The following DOCK4 variants were observed in gnomAD, a reference collection of about 807,000 sequenced individuals.
The protein encoded by DOCK4 is dedicator of cytokinesis 4.
Under a neutral mutation model 268.1 loss-of-function variants are expected in DOCK4, and 97 were observed. The ratio of observed to expected loss-of-function variants is 0.36; its 90% confidence interval spans 0.31 to 0.43. DOCK4 has a LOEUF of 0.43. DOCK4 is among the 20% of genes least tolerant of loss of function. The pLI, the probability that DOCK4 is intolerant of heterozygous loss-of-function variation, is 1.00. For synonymous variants in DOCK4, 954 were observed against 887.2 expected, an observed-to-expected ratio of 1.08 and a Z score of -1.34; for missense variants, 2,145 against 2,455.7, an observed-to-expected ratio of 0.87 and a Z score of 2.67.
intron 13 of DOCK4, among the ~76,000 whole-genome samples, chr7:111,914,499 T>A (rs1367740107): frequency 2.6e-5 from 4 of 152,162 alleles, no homozygotes; most frequent in African/African-American, 9.7e-5. Context: ...TCCATTCCCA[T>A]CCCCAGTACT....
chr7:111,789,444 T>C (rs979074570), intron 31 of DOCK4, among the ~76,000 whole-genome samples: 1 of 152,222 alleles, frequency 6.6e-6, no homozygotes, highest in African/African-American at 2.4e-5. Context: ...AACTTCTCTA[T>C]GGCCAGAGAG....
chr7:112,065,232 C>T (rs546144691), intron 1 of DOCK4, among the ~76,000 whole-genome samples: 2 of 152,130 alleles, frequency 1.3e-5, no homozygotes, highest in East Asian at 3.9e-4. Flanking sequence ...TACCTCAATC[C>T]CTGACACAAG....
intron 14 of DOCK4, among the ~76,000 whole-genome samples, chr7:111,900,789 T>C (rs905652317): frequency 6.6e-5 from 10 of 152,196 alleles, no homozygotes; most frequent in African/African-American, 2.2e-4. Context: ...GACGATTGCA[T>C]GGCCCACTTG....
At chr7:111,998,851 C>T (rs1013406015) in intron 3 of DOCK4, among the ~76,000 whole-genome samples, 10 of 151,090 alleles carry the variant, frequency 6.6e-5, no homozygotes, top group African/African-American at 2.4e-4. Context: ...ATATGTATTG[C>T]ATAGTTTTGA....
At position 111,755,535 on chromosome 7, in the gene DOCK4, C is replaced by G; in HGVS notation, c.4396G>C (p.Glu1466Gln). 6.2e-7 allele frequency: 1 copy of G among 1,614,002 alleles called. No homozygotes were observed. The highest frequency in any genetic ancestry group is 8.5e-7 in the Non-Finnish European group (1 of 1,179,896). The change falls in exon 42 of 53, where the codon GAA becomes CAA. Residue 1466 changes from glutamate to glutamine, a missense_variant. Physicochemically the swap from Glu to Gln is conservative, Grantham distance 29. This residue lies in a region of DOCK4 where 1,598 missense variants were observed against 1,986.7 expected (regional missense o/e 0.80). Transcript: ENST00000428084. Reference sequence around the variant, plus strand: ...CTTACCACTTCACGCTTTTCCACTTCAAACCAGCGAGAGATGCCAGGCAAA... The same window carrying G: ...CTTACCACTTCACGCTTTTCCACTTGAAACCAGCGAGAGATGCCAGGCAAA... Reference protein sequence around the residue: ...QSLPGISRWFEVEKREVVEMS... With the variant: ...QSLPGISRWFQVEKREVVEMS...
At position 112,078,574 on chromosome 7, in the gene DOCK4, G is replaced by C. The variant is rs73715412; in HGVS notation, c.38-74443C>G. On this transcript the variant is annotated intron_variant, in intron 1 of 52. Transcript: ENST00000428084. ...TCAAAGGAAGGTGATTTAAGAGTTT[G>C]TCGAGTTTAAGGGAGAGAAATGTTG... is the stretch of plus-strand genomic sequence containing the variant. 3.9e-3 allele frequency among the ~76,000 whole-genome samples: 589 copies of C among 152,276 alleles called. 3 individuals carry two copies. Among genetic ancestry groups the C allele is most frequent in the African/African-American group, 0.013 (555 of 41,554 alleles).
At chr7:112,015,876 A>T (rs1240594664) in intron 1 of DOCK4, among the ~76,000 whole-genome samples, 1 of 152,226 alleles carries the variant, frequency 6.6e-6, no homozygotes. Flanking sequence ...AAGGACGAAG[A>T]ACATGAGTGT....
intron 1 of DOCK4, among the ~76,000 whole-genome samples, chr7:112,169,145 T>C (rs1251409243): frequency 2.0e-5 from 3 of 152,130 alleles, no homozygotes. Context: ...CCATCCTTCC[T>C]TTCACTCTCT....
chr7:112,149,769 T>C (rs867881040), intron 1 of DOCK4, among the ~76,000 whole-genome samples: 4 of 152,200 alleles, frequency 2.6e-5, no homozygotes, highest in Admixed American at 6.5e-5. Context: ...GAAGCAGCAA[T>C]GAGCTTCCAG....
chr7:112,125,946 C>T (rs1392731984), intron 1 of DOCK4, among the ~76,000 whole-genome samples: 1 of 152,026 alleles, frequency 6.6e-6, no homozygotes, highest in African/African-American at 2.4e-5. Flanking sequence ...GTGGCTGGGA[C>T]TATAGGCATG....
intron 1 of DOCK4, among the ~76,000 whole-genome samples, chr7:112,095,068 T>A (rs1431523819): frequency 5.9e-5 from 9 of 152,152 alleles, no homozygotes; most frequent in African/African-American, 2.2e-4. Context: ...ACAGGACTTT[T>A]ATTGTGAACT....
rs764185249 is a variant in DOCK4 at position 111,739,464 on chromosome 7, G to A, written c.5054C>T (p.Thr1685Ile). ...EVFNMQPSPS[T>I]SSLSSTHSAS... Reference sequence around the variant, plus strand: ...CGAGTGAGTAGAACTCAAGCTTGAGGTAGATGGACTTGGCTGGAAACACAC... The same window carrying A: ...CGAGTGAGTAGAACTCAAGCTTGAGATAGATGGACTTGGCTGGAAACACAC... Residue 1685 changes from threonine (T) to isoleucine (I), a missense_variant, in exon 48 of 53, where the codon ACC becomes ATC. Thr to Ile is a moderately conservative substitution (Grantham distance 89). This residue lies in a region of DOCK4 where 547 missense variants were observed against 469.0 expected (regional missense o/e 1.17). Transcript: ENST00000428084. The A allele has an allele frequency of 6.4e-7, 1 of 1,568,456 alleles. No homozygotes were observed.
chr7:111,728,519 T>TCGGCACGGGCAC lies in DOCK4; in HGVS notation c.5671_5682dup (p.Val1891_Pro1894dup), dbSNP rs749332536. 3.0e-5 allele frequency: 49 copies of TCGGCACGGGCAC among 1,613,662 alleles called. No individual in the cohort carries two copies. The African/African-American group carries it at 3.9e-4, about 13-fold the overall frequency. ...CGCACTGGCTCCTCCCCGCCGTAGC[T>TCGGCACGGGCAC]CGGCACGGGCACCGGCACTGGCACC... On this transcript the variant is annotated inframe_insertion, in exon 53 of 53. Transcript: ENST00000428084.
intron 1 of DOCK4, among the ~76,000 whole-genome samples, chr7:112,061,739 TCACACACACACACACACACACACACA>T (rs61696712): frequency 1.5e-5 from 2 of 137,140 alleles, no homozygotes; most frequent in Non-Finnish European, 3.1e-5. Context: ...ATTAACAATG[TCACACACACACACACACACACACACA>T]CACACACACA....
chr7:111,925,438 TTAAG>T (rs1430582149), intron 12 of DOCK4, among the ~76,000 whole-genome samples: 6 of 152,132 alleles, frequency 3.9e-5, no homozygotes, highest in African/African-American at 1.4e-4. Context: ...GTGTGAGGTA[TTAAG>T]TGAGACAATA....
intron 1 of DOCK4, among the ~76,000 whole-genome samples, chr7:112,178,676 G>A (rs1247671188): frequency 6.6e-6 from 1 of 152,116 alleles, no homozygotes; most frequent in African/African-American, 2.4e-5. Flanking sequence ...CACATTTTTT[G>A]GTTTCTGATA....
intron 1 of DOCK4, among the ~76,000 whole-genome samples, chr7:112,154,512 C>T (rs1036305326): frequency 1.3e-5 from 2 of 152,042 alleles, no homozygotes; most frequent in African/African-American, 4.8e-5. Flanking sequence ...CACAAATGTC[C>T]TTCCACGCTT....
intron 42 of DOCK4, among the ~76,000 whole-genome samples, chr7:111,755,060 T>C (rs1291290135): frequency 6.6e-6 from 1 of 152,216 alleles, no homozygotes; most frequent in Non-Finnish European, 1.5e-5. Context: ...CTTCAACATC[T>C]TGCTATGTGA....
chr7:111,780,435 C>A (rs1291083608), intron 35 of DOCK4, among the ~76,000 whole-genome samples: 1 of 152,096 alleles, frequency 6.6e-6, no homozygotes, highest in Non-Finnish European at 1.5e-5. Flanking sequence ...AACTCCACAG[C>A]AGGTTTTTAT....
Sources: gnomAD v4.1 joint callset for allele counts (sites outside exome capture counted in the v4.1 genomes callset) on GRCh38, gnomAD v4.1.1 for gene constraint, gnomAD v4.1.1 regional missense constraint, MANE v1.5 for transcripts, NCBI Gene and HGNC (gene_info 2026-07-23, HGNC 2026-07-21) for gene names.